The following SEC14L4 variants were observed in gnomAD, a reference collection of about 807,000 sequenced individuals.
SEC14L4 encodes the protein SEC14-like protein 4.
A neutral mutation model predicts 55.1 loss-of-function variants in SEC14L4; 42 were observed. The ratio of observed to expected loss-of-function variants is 0.76; its 90% CI spans 0.60 to 0.99. The LOEUF is 0.99. Among genes scored for constraint, SEC14L4 ranks in the 50% least tolerant of loss-of-function variants. The pLI is 0.00. For synonymous variants in SEC14L4, 206 were observed against 206.8 expected, an observed-to-expected ratio of 1.00 and a Z score of 0.03; for missense variants, 445 against 512.1, an observed-to-expected ratio of 0.87 and a Z score of 1.27.
chr22:30,494,841 G>T lies in SEC14L4; in HGVS notation c.519+25C>A, dbSNP rs538781805. 5.8e-6 allele frequency: 9 copies of T among 1,543,274 alleles called. No homozygotes were observed. In the South Asian group the frequency reaches 8.9e-5, roughly 15 times the overall value. On this transcript the variant is annotated intron_variant, in intron 6 of 11. Transcript: ENST00000255858. ...CAGCTGGGAGCCACTGCCCACACCAGCCCCAAGCCAGCCACCCACCTTACC... is the reference window on the plus strand; with the variant it reads ...CAGCTGGGAGCCACTGCCCACACCATCCCCAAGCCAGCCACCCACCTTACC...
chr22:30,500,783 T>TTTTTTTTTTA (rs1936294415), intron 2 of SEC14L4, among the ~76,000 whole-genome samples: 1 of 141,010 alleles, frequency 7.1e-6, no homozygotes, highest in Non-Finnish European at 1.5e-5. Context: ...TTTTTTTTTT[T>TTTTTTTTTTA]AGTAACACCT....
chr22:30,491,011 A>C (rs1935934563), intron 11 of SEC14L4, among the ~76,000 whole-genome samples: 1 of 152,164 alleles, frequency 6.6e-6, no homozygotes, highest in Non-Finnish European at 1.5e-5. Flanking sequence ...CACAAAATGA[A>C]ATAAGGTAAT....
intron 2 of SEC14L4, among the ~76,000 whole-genome samples, chr22:30,499,184 C>A (rs576454953): frequency 6.6e-6 from 1 of 151,930 alleles, no homozygotes; most frequent in Admixed American, 6.6e-5. Context: ...AGCCACCGCG[C>A]CCGGCCAGTC....
intron 3 of SEC14L4, 109 bp from the exon 4 acceptor site, chr22:30,495,751 C>T: frequency 6.2e-6 from 10 of 1,607,532 alleles, no homozygotes; most frequent in Non-Finnish European, 8.5e-6. Context: ...CCCAGGCTCT[C>T]AGAGCGTGGG....
chr22:30,505,454 A>T, intron 1 of SEC14L4, 104 bp downstream of exon 1: 1 of 1,213,222 alleles, frequency 8.2e-7, no homozygotes, highest in East Asian at 2.5e-5. Flanking sequence ...CGCTCTCTCC[A>T]GGCTCGGTGT....
intron 10 of SEC14L4, 31 bp from the exon 11 acceptor site, chr22:30,491,773 C>T (rs771508479): frequency 6.2e-7 from 1 of 1,612,508 alleles, no homozygotes; most frequent in African/African-American, 1.3e-5. Flanking sequence ...TTGGCGACCC[C>T]CTGCCTGGGC....
At chr22:30,492,628 G>C (rs1936003241) in intron 7 of SEC14L4, 71 bp from the exon 8 acceptor site, 1 of 1,219,158 alleles carries the variant, frequency 8.2e-7, no homozygotes, top group African/African-American at 1.5e-5. Flanking sequence ...ACAGCCAAGA[G>C]CAGGTGCTGG....
At position 30,491,651 on chromosome 22, in the gene SEC14L4, C is replaced by T; in HGVS notation, c.1003G>A (p.Glu335Lys). 2 of 1,614,192 alleles carry T rather than the reference C, an allele frequency of 1.2e-6. No homozygotes were observed. The highest frequency in any genetic ancestry group is 1.7e-6 in the Non-Finnish European group (2 of 1,180,022). ...TTGTAGCGCTGGCTGGGCAGCACCT[C>T]CGTCATCTCCCTAGCACTCTGCTGC... The part of the protein sequence containing the change: ...GEQQSAREMT[E>K]VLPSQRYNAH... The change falls in exon 11 of 12, where the codon GAG (glutamate) becomes AAG (lysine). Residue 335 changes from glutamate to lysine, a missense_variant. Glu to Lys is a moderately conservative substitution (Grantham distance 56, BLOSUM62 1). Transcript: ENST00000255858.
At chr22:30,490,735 A>T (rs1359624687) in intron 11 of SEC14L4, among the ~76,000 whole-genome samples, 1 of 152,106 alleles carries the variant, frequency 6.6e-6, no homozygotes, top group Non-Finnish European at 1.5e-5. Context: ...TGTCATCCTC[A>T]TTTTACAGAG....
Position 30,494,957 on chromosome 22 carries a change from C to T in SEC14L4, c.428G>A (p.Gly143Asp). 2 of 1,613,192 alleles carry T rather than the reference C, an allele frequency of 1.2e-6. No individual in the cohort carries two copies. Among genetic ancestry groups the T allele is most frequent in the African/African-American group, 1.3e-5 (1 of 74,930 alleles). Residue 143 changes from glycine to aspartate, a missense_variant, in exon 6 of 12, where the codon GGC becomes GAC. Gly to Asp is a moderately conservative substitution (Grantham distance 94, BLOSUM62 -1). Transcript: ENST00000255858. ...HECELQTQKL[G>D]RKIEMALMVF... ...CATCAGCGCCATCTCGATCTTCCTG[C>T]CCAGCTGCTTGGGACAGAGTCATAT...
intron 7 of SEC14L4, among the ~76,000 whole-genome samples, chr22:30,493,384 G>A (rs755755221): frequency 3.3e-5 from 5 of 152,156 alleles, no homozygotes; most frequent in Non-Finnish European, 5.9e-5. Context: ...TTGAGGAGGG[G>A]GCTATTGTAT....
At chr22:30,499,378 T>C (rs1177451980) in intron 2 of SEC14L4, among the ~76,000 whole-genome samples, 1 of 151,244 alleles carries the variant, frequency 6.6e-6, no homozygotes, top group Admixed American at 6.6e-5. Context: ...CCACCGCACC[T>C]GGCCTGATTT....
rs1935886737 is a variant in SEC14L4, at chr22:30,489,611, C to T, written c.*496G>A. 1.7e-6 allele frequency: 1 copy of T among 582,718 alleles called. No homozygotes were observed. The highest frequency in any genetic ancestry group is 2.1e-5 in the South Asian group (1 of 47,998). The allele number at this position is 582,718 out of a possible 1,614,324, so 36.1% of individuals were successfully genotyped here. On this transcript the variant is annotated 3_prime_UTR_variant, in exon 12 of 12. Coordinates refer to ENST00000255858, the MANE Select transcript of SEC14L4 (RefSeq NM_174977.4). ...CCCCAGTGCTCTGCTGGAACCAGGA[C>T]CCTCACCCAGCTGCCTCCAGCTGGG...
Position 30,492,676 on chromosome 22 carries a change from C to A in SEC14L4, c.581-119G>T, listed in dbSNP as rs1158725430. On this transcript the variant is annotated intron_variant, in intron 7 of 11. Transcript: ENST00000255858. Reference sequence around the variant, plus strand: ...CAGATATGGATTCTGCCACTCTCTGCTGTGTGACCTTCAGCAAGTTACCCA... The same window carrying A: ...CAGATATGGATTCTGCCACTCTCTGATGTGTGACCTTCAGCAAGTTACCCA... The A allele has an allele frequency of 6.6e-6, 5 of 753,464 alleles. No individual in the cohort carries two copies. The East Asian group carries it at 1.3e-4, about 20-fold the overall frequency. 46.7% of individuals were successfully genotyped at this position (753,464 alleles called of 1,614,324 possible).
chr22:30,502,158 G>A (rs1936350615), intron 2 of SEC14L4, among the ~76,000 whole-genome samples: 1 of 151,690 alleles, frequency 6.6e-6, no homozygotes. Flanking sequence ...GAACCACAGG[G>A]CCTGGCCAAA....
chr22:30,496,480 C>T (rs914426621), intron 2 of SEC14L4, among the ~76,000 whole-genome samples: 2 of 152,014 alleles, frequency 1.3e-5, no homozygotes, highest in Non-Finnish European at 2.9e-5. Context: ...CTGGAGAGCC[C>T]TTGATTTCAG....
In SEC14L4 at chr22:30,505,549, G is replaced by A. The variant is rs370330949; in HGVS notation, c.54+9C>T. 547 of 1,563,488 alleles carry A rather than the reference G, an allele frequency of 3.5e-4. 1 individual carries two copies. Among genetic ancestry groups the A allele is most frequent in the Non-Finnish European group, 4.4e-4 (511 of 1,155,878 alleles). On this transcript the variant is annotated intron_variant, in intron 1 of 11. Transcript: ENST00000255858. ...CTCCTCAAGCCTCCCAGCCCGCGAT[G>A]CTCCTCACCCTGGCCAGCGCTTCCT...
intron 2 of SEC14L4, among the ~76,000 whole-genome samples, chr22:30,500,798 T>C (rs112252395): frequency 0.018 from 2,316 of 126,510 alleles, 105 homozygotes; most frequent in Admixed American, 0.1. Context: ...ACACCTACTA[T>C]GCGCCAGGCT....
chr22:30,496,009 A>G, intron 2 of SEC14L4, 38 bp from the exon 3 acceptor site: 1 of 1,597,272 alleles, frequency 6.3e-7, no homozygotes, highest in East Asian at 2.2e-5. Context: ...TCAAGGCTAG[A>G]TCCAGAAAGA....
Sources: allele counts gnomAD v4.1 joint callset (sites outside exome capture counted in the v4.1 genomes callset), GRCh38; gene constraint gnomAD v4.1.1; transcripts MANE v1.5; gene names NCBI Gene and HGNC (gene_info 2026-07-23, HGNC 2026-07-21).